The following TXLNG variants were observed in gnomAD, a reference collection of about 807,000 sequenced individuals.
The protein encoded by TXLNG is taxilin gamma, also known as gamma-taxilin.
Under a neutral mutation model 38.8 loss-of-function variants are expected in TXLNG, and 5 were observed. The ratio of observed to expected loss-of-function variants is 0.13; its 90% CI spans 0.07 to 0.27. The LOEUF (loss-of-function observed/expected upper bound fraction) is 0.27. TXLNG is among the 10% of genes least tolerant of loss of function. The pLI, the probability that TXLNG is intolerant of heterozygous loss-of-function variation, is 1.00. For synonymous variants in TXLNG, 182 were observed against 158.2 expected (o/e 1.15, Z -1.13); for missense variants, 393 against 398.2 (o/e 0.99, Z 0.11).
intron 1 of TXLNG, among the ~76,000 whole-genome samples, chrX:16,804,944 A>C: frequency 1.2e-5 from 1 of 82,316 alleles, no homozygotes; most frequent in African/African-American, 4.8e-5. Context: ...TATTTAGCAA[A>C]CTAATCTCCA....
chrX:16,791,258 G>T (rs1166098968), intron 1 of TXLNG, among the ~76,000 whole-genome samples: 1 of 111,837 alleles, frequency 8.9e-6, no homozygotes, highest in African/African-American at 3.2e-5. Context: ...AATCAGGTCA[G>T]GGTTGGGCAA....
intron 7 of TXLNG, among the ~76,000 whole-genome samples, chrX:16,835,240 CTAGAT>C (rs779003283): frequency 1.4e-4 from 16 of 111,373 alleles, no homozygotes; most frequent in Admixed American, 3.8e-4. Context: ...TGTGAAGACT[CTAGAT>C]TAGCTGTAAA....
chrX:16,790,134 T>G (rs183703960), intron 1 of TXLNG, among the ~76,000 whole-genome samples: 1 of 111,335 alleles, frequency 9.0e-6, no homozygotes, highest in Non-Finnish European at 1.9e-5. Context: ...ATTAGTGTGA[T>G]ACTTGTGTTA....
chrX:16,786,560 G>T lies in TXLNG; in HGVS notation c.73G>T (p.Gly25Cys). The T allele has an allele frequency of 9.3e-7, 1 of 1,079,858 alleles. No individual in the cohort carries two copies. 89.0% of individuals were successfully genotyped at this position (1,079,858 alleles called of 1,213,427 possible). A position where few individuals can be genotyped will look rare whatever the true frequency, so the allele number is the denominator to read the frequency against. The stretch of plus-strand genomic sequence containing the variant: ...CGAAGAGGCGACTGAGGCCGGACGG[G>T]GCGGACGGCGACGCAGCCCGCGGCA... ...GAEEATEAGR[G>C]GRRRSPRQKF... Residue 25 changes from glycine (G) to cysteine (C), a missense_variant, in exon 1 of 10, where the codon GGC becomes TGC. Coordinates refer to ENST00000380122, the MANE Select transcript of TXLNG (RefSeq NM_018360.3).
At chrX:16,812,152 C>T (rs774563418) in intron 1 of TXLNG, among the ~76,000 whole-genome samples, 247 of 88,987 alleles carry the variant, frequency 2.8e-3, no homozygotes, top group South Asian at 6.7e-3. Context: ...TACAGGCGCC[C>T]GCCACCACAC....
At chrX:16,841,006 C>T (rs949237707) in intron 9 of TXLNG, among the ~76,000 whole-genome samples, 8 of 110,864 alleles carry the variant, frequency 7.2e-5, no homozygotes, top group Admixed American at 6.7e-4. Flanking sequence ...ACCATCCTGG[C>T]CAACATGGTG....
chrX:16,840,872 CAT>C (rs1007188140), intron 9 of TXLNG, among the ~76,000 whole-genome samples: 2 of 111,583 alleles, frequency 1.8e-5, no homozygotes, highest in African/African-American at 6.5e-5. Context: ...TACTCTTTGT[CAT>C]ATCTTGAATT....
At chrX:16,812,458 A>G (rs1400390109) in intron 1 of TXLNG, among the ~76,000 whole-genome samples, 1 of 99,971 alleles carries the variant, frequency 1.0e-5, no homozygotes, top group Non-Finnish European at 2.0e-5. Context: ...CAGTGGCGCG[A>G]TCTCGGCTCA....
intron 1 of TXLNG, among the ~76,000 whole-genome samples, chrX:16,809,130 G>A (rs887432142): frequency 9.0e-6 from 1 of 110,804 alleles, no homozygotes. Context: ...GCAAATGCAT[G>A]CAGCTCTGTA....
At chrX:16,807,782 C>T (rs1389287010) in intron 1 of TXLNG, among the ~76,000 whole-genome samples, 2 of 111,479 alleles carry the variant, frequency 1.8e-5, no homozygotes, top group African/African-American at 3.3e-5. Flanking sequence ...AATTTGTGTC[C>T]TCTGCATATG....
rs73452432 is a variant in TXLNG at position 16,808,226 on chromosome X, C to T, written c.103-10348C>T. 8.8e-3 allele frequency among the ~76,000 whole-genome samples: 977 copies of T among 111,308 alleles called. 9 individuals are homozygous for T. Among genetic ancestry groups the T allele is most frequent in the African/African-American group, 0.03 (928 of 30,554 alleles). Reference sequence around the variant, plus strand: ...GGCTCTTGTAAACAAACACTTGTAGCACAGTGTTGTGCTTCTCTAAAAGGT... The same window carrying T: ...GGCTCTTGTAAACAAACACTTGTAGTACAGTGTTGTGCTTCTCTAAAAGGT... On this transcript the variant is annotated intron_variant, in intron 1 of 9. Coordinates refer to ENST00000380122, the MANE Select transcript of TXLNG (RefSeq NM_018360.3).
chrX:16,815,823 C>T (rs1195510343), intron 1 of TXLNG, among the ~76,000 whole-genome samples: 1 of 110,897 alleles, frequency 9.0e-6, no homozygotes, highest in East Asian at 2.8e-4. Flanking sequence ...CTGCGCCTGT[C>T]CGAAATTTTT....
At chrX:16,793,476 T>C (rs1233319933) in intron 1 of TXLNG, among the ~76,000 whole-genome samples, 1 of 109,653 alleles carries the variant, frequency 9.1e-6, no homozygotes, top group Non-Finnish European at 1.9e-5. Flanking sequence ...GAGTAATATT[T>C]ACTGGCTACT....
chrX:16,811,692 A>C (rs756641271), intron 1 of TXLNG, among the ~76,000 whole-genome samples: 16 of 104,842 alleles, frequency 1.5e-4, no homozygotes, highest in Admixed American at 9.3e-4. Flanking sequence ...GCTGGAGTGC[A>C]GTGACCCGAT....
intron 5 of TXLNG, 52 bp from the exon 6 acceptor site, chrX:16,832,571 A>G: frequency 5.0e-6 from 6 of 1,207,226 alleles, no homozygotes; most frequent in Non-Finnish European, 6.7e-6. Flanking sequence ...TTTCCTCCCC[A>G]CTGTGTTCCT....
rs752036760 is a variant in TXLNG, at chrX:16,834,250, T to C, written c.985-33T>C. On this transcript the variant is annotated intron_variant, in intron 6 of 9. Coordinates refer to ENST00000380122, the MANE Select transcript of TXLNG (RefSeq NM_018360.3). Reference sequence around the variant, plus strand: ...TATTTAGTCCTGCTTGTAATTACCATTAGCATTTTGCCAGAATGTTTCTGT... The same window carrying C: ...TATTTAGTCCTGCTTGTAATTACCACTAGCATTTTGCCAGAATGTTTCTGT... 2.6e-6 allele frequency: 3 copies of C among 1,135,000 alleles called. No homozygotes were observed. The African/African-American group carries it at 5.4e-5, about 20-fold the overall frequency. The allele number at this position is 1,135,000 out of a possible 1,213,427, so 93.5% of individuals were successfully genotyped here. A position where few individuals can be genotyped will look rare whatever the true frequency, so the allele number is the denominator to read the frequency against.
chrX:16,835,096 C>A (rs1482620530), intron 7 of TXLNG, among the ~76,000 whole-genome samples: 1 of 108,019 alleles, frequency 9.3e-6, no homozygotes, highest in African/African-American at 3.4e-5. Flanking sequence ...AAAAAAGGTA[C>A]AGGAAAGACT....
At position 16,828,371 on chromosome X, in the gene TXLNG, C is replaced by T. The variant is rs765083882; in HGVS notation, c.669+107C>T. ...CCTTGTCTCTACTTGGAGACAGATA[C>T]TGCCTTGCTTTTTATTTTGCTTGGC... On this transcript the variant is annotated intron_variant, in intron 4 of 9. Transcript: ENST00000380122. The T allele has an allele frequency of 7.7e-5, 62 of 804,794 alleles. No individual in the cohort carries two copies. In the African/African-American group the frequency reaches 1.1e-3, roughly 15 times the overall value. 66.3% of individuals were successfully genotyped at this position (804,794 alleles called of 1,213,427 possible). A position where few individuals can be genotyped will look rare whatever the true frequency, so the allele number is the denominator to read the frequency against.
At chrX:16,802,219 T>C (rs948684508) in intron 1 of TXLNG, among the ~76,000 whole-genome samples, 5 of 104,051 alleles carry the variant, frequency 4.8e-5, no homozygotes, top group Non-Finnish European at 3.9e-5. Context: ...CCTCCCAAAG[T>C]GCTGGGATTA....
Sources: allele counts gnomAD v4.1 joint callset (sites outside exome capture counted in the v4.1 genomes callset), GRCh38; gene constraint gnomAD v4.1.1; transcripts MANE v1.5; gene names NCBI Gene and HGNC (gene_info 2026-07-23, HGNC 2026-07-21).